Variants in ZNF710 observed in about 807,000 individuals in gnomAD.
ZNF710 encodes zinc finger protein 710.
In ZNF710, 13 loss-of-function variants were observed where a neutral mutation model predicts 50.6. The ratio of observed to expected loss-of-function variants is 0.26; its 90% CI spans 0.17 to 0.41. The LOEUF is 0.41. Ranked by LOEUF, ZNF710 falls within the 10% of genes least tolerant of loss-of-function variation. ZNF710 has a pLI of 1.00. For missense variants in ZNF710, 721 were observed against 936.6 expected (o/e 0.77, Z 3.01); for synonymous variants, 383 against 397.0 (o/e 0.96, Z 0.42).
upstream of ZNF710, among the ~76,000 whole-genome samples, chr15:89,998,482 A>G (rs777285520): frequency 1.3e-5 from 2 of 152,172 alleles, no homozygotes; most frequent in Non-Finnish European, 2.9e-5. Flanking sequence ...GTGTTCACCA[A>G]TCCCAGCCTC....
At position 90,082,139 on chromosome 15, in the gene ZNF710, G is replaced by A. The variant is rs191930364; in HGVS notation, c.*2310G>A. The A allele has an allele frequency of 3.3e-5, 5 of 152,322 alleles. No individual in the cohort carries two copies. The highest frequency in any genetic ancestry group is 2.0e-4 in the Admixed American group (3 of 15,302). 9.4% of individuals were successfully genotyped at this position (152,322 alleles called of 1,614,324 possible). On this transcript the variant is annotated 3_prime_UTR_variant, in exon 5 of 5. Transcript: ENST00000268154. Reference sequence around the variant, plus strand: ...AGCCCTACTGTGTTTTTATGTTCCTGTTTAAAAGAGAAGTTTACTTAGCAA... The same window carrying A: ...AGCCCTACTGTGTTTTTATGTTCCTATTTAAAAGAGAAGTTTACTTAGCAA...
intron 1 of ZNF710, among the ~76,000 whole-genome samples, chr15:90,003,476 C>T (rs574936326): frequency 3.9e-5 from 6 of 152,266 alleles, no homozygotes; most frequent in Admixed American, 3.9e-4. Context: ...TAAGTAAAAC[C>T]AGTCAAAGTT....
chr15:90,035,222 G>A (rs1360054289), intron 1 of ZNF710, among the ~76,000 whole-genome samples: 3 of 152,360 alleles, frequency 2.0e-5, no homozygotes, highest in Non-Finnish European at 4.4e-5. Context: ...ATGGTGTGGG[G>A]GCTGAGACAT....
chr15:90,079,771 A>T lies in ZNF710; in HGVS notation c.1937A>T (p.Glu646Val). 6.2e-7 allele frequency: 1 copy of T among 1,613,136 alleles called. No homozygotes were observed. Reference protein sequence around the residue: ...YSYASVDSSAEASVLTEQAMK... With the variant: ...YSYASVDSSAVASVLTEQAMK... ...TATGCGAGCGTGGACAGCAGCGCCGAGGCCAGTGTCCTCACTGAACAGGCC... is the reference window on the plus strand; with the variant it reads ...TATGCGAGCGTGGACAGCAGCGCCGTGGCCAGTGTCCTCACTGAACAGGCC... Residue 646 changes from glutamate (E) to valine (V), a missense_variant, in exon 5 of 5, where the codon GAG (glutamate) becomes GTG (valine). Physicochemically the swap from Glu to Val is moderately radical, Grantham distance 121. This residue lies in a region of ZNF710 where 69 missense variants were observed against 67.6 expected (regional missense o/e 1.02). Transcript: ENST00000268154.
At chr15:90,071,087 C>T (rs1332288298) in intron 2 of ZNF710, among the ~76,000 whole-genome samples, 1 of 151,940 alleles carries the variant, frequency 6.6e-6, no homozygotes, top group East Asian at 1.9e-4. Context: ...ATGGTGAAGC[C>T]CCGTCTCTAC....
At chr15:90,071,394 T>TG (rs1275442462) in intron 2 of ZNF710, among the ~76,000 whole-genome samples, 13 of 152,268 alleles carry the variant, frequency 8.5e-5, no homozygotes, top group Admixed American at 8.5e-4. Flanking sequence ...GCACATCATG[T>TG]GTTTATAAAA....
chr15:90,009,911 C>G (rs960325826), intron 1 of ZNF710, among the ~76,000 whole-genome samples: 13 of 152,154 alleles, frequency 8.5e-5, no homozygotes, highest in Non-Finnish European at 1.3e-4. Context: ...GTGACTTCCT[C>G]TTACCTGACT....
At chr15:90,043,973 G>A (rs1293739715) in intron 1 of ZNF710, among the ~76,000 whole-genome samples, 1 of 150,524 alleles carries the variant, frequency 6.6e-6, no homozygotes, top group Admixed American at 6.6e-5. Context: ...TTTTTGAATA[G>A]TGCTTCTGTT....
intron 1 of ZNF710, among the ~76,000 whole-genome samples, chr15:90,047,590 C>CT (rs11452913): frequency 0.063 from 8,839 of 140,812 alleles, 834 homozygotes; most frequent in African/African-American, 0.19. Context: ...TTTCTTTTTT[C>CT]TTTTTTTTTT....
At chr15:90,077,474 G>C (rs920028466) in intron 4 of ZNF710, among the ~76,000 whole-genome samples, 5 of 151,920 alleles carry the variant, frequency 3.3e-5, no homozygotes, top group Admixed American at 6.6e-5. Flanking sequence ...TTGATCTCCT[G>C]ACCTCATGAT....
At chr15:90,044,776 C>T (rs908385054) in intron 1 of ZNF710, among the ~76,000 whole-genome samples, 1 of 152,166 alleles carries the variant, frequency 6.6e-6, no homozygotes, top group Non-Finnish European at 1.5e-5. Context: ...ATTTACTTTA[C>T]CTGTTAAAGC....
intron 1 of ZNF710, among the ~76,000 whole-genome samples, chr15:90,014,195 T>TCAA (rs1453067796): frequency 6.6e-6 from 1 of 152,084 alleles, no homozygotes; most frequent in Non-Finnish European, 1.5e-5. Context: ...GGTCTCTACT[T>TCAA]GTTCTAAGAC....
rs11285838 is a variant in ZNF710, at chr15:90,019,187, CTTTTTTT to C, written c.-29+17589_-29+17595del. ...TGTACCATCTTATTACTTTTTCTTT[CTTTTTTT>C]TTTTTTTTTTTTTTTGCTTTTACTT... On this transcript the variant is annotated intron_variant, in intron 1 of 4. Coordinates refer to ENST00000268154, the MANE Select transcript of ZNF710 (RefSeq NM_198526.4). 2.6e-4 allele frequency among the ~76,000 whole-genome samples: 23 copies of C among 89,360 alleles called. 1 individual carries two copies. The highest frequency in any genetic ancestry group is 1.4e-3 in the East Asian group (4 of 2,800). The allele number at this position is 89,360 out of a possible 152,430, so 58.6% of individuals were successfully genotyped here. A position where few individuals can be genotyped will look rare whatever the true frequency, so the allele number is the denominator to read the frequency against.
chr15:90,036,733 A>G (rs75683537), intron 1 of ZNF710, among the ~76,000 whole-genome samples: 3,183 of 152,198 alleles, frequency 0.021, 109 homozygotes, highest in African/African-American at 0.069. Context: ...GGCCCCCCTC[A>G]TCCTCTTCAC....
At chr15:90,009,288 AG>A (rs1387717535) in intron 1 of ZNF710, among the ~76,000 whole-genome samples, 1 of 151,926 alleles carries the variant, frequency 6.6e-6, no homozygotes. Context: ...TGGCCCCTTG[AG>A]AAGCATCAGG....
chr15:90,012,382 C>T (rs1898333540), intron 1 of ZNF710, among the ~76,000 whole-genome samples: 1 of 150,182 alleles, frequency 6.7e-6, no homozygotes, highest in African/African-American at 2.4e-5. Flanking sequence ...AAGCTCCGCC[C>T]CCCGGGTTCA....
intron 4 of ZNF710, 50 bp downstream of exon 4, chr15:90,074,340 G>A (rs1181982166): frequency 1.6e-5 from 26 of 1,602,630 alleles, no homozygotes; most frequent in Non-Finnish European, 2.2e-5. Context: ...CCAACATGAC[G>A]CACTCAGGAG....
At chr15:90,050,081 C>T (rs141370231) in intron 1 of ZNF710, among the ~76,000 whole-genome samples, 1 of 152,230 alleles carries the variant, frequency 6.6e-6, no homozygotes, top group Non-Finnish European at 1.5e-5. Flanking sequence ...TGCGTGTGTA[C>T]GCTATCAGCT....
intron 1 of ZNF710, among the ~76,000 whole-genome samples, chr15:90,031,037 A>AAAAC (rs1555456819): frequency 4.0e-5 from 6 of 151,216 alleles, no homozygotes; most frequent in South Asian, 2.1e-4. Context: ...AGAAAAAAAA[A>AAAAC]AAAATGCTTA....
Sources: allele counts gnomAD v4.1 joint callset (sites outside exome capture counted in the v4.1 genomes callset), GRCh38; gene constraint gnomAD v4.1.1; regional missense constraint gnomAD v4.1.1; transcripts MANE v1.5; gene names NCBI Gene and HGNC (gene_info 2026-07-23, HGNC 2026-07-21).